Variants in OXR1 observed in about 807,000 individuals in gnomAD.
OXR1 encodes oxidation resistance 1.
Under a neutral mutation model 104.6 loss-of-function variants are expected in OXR1, and 41 were observed. That is an observed-to-expected ratio of 0.39 (90% CI 0.31 to 0.51). The LOEUF (loss-of-function observed/expected upper bound fraction) is 0.51, where lower values mean the gene tolerates loss of function less well. Among genes scored for constraint, OXR1 ranks in the 20% least tolerant of loss-of-function variants. OXR1 has a pLI of 0.77. For synonymous variants in OXR1, 348 were observed against 348.4 expected, an observed-to-expected ratio of 1.00 and a Z score of 0.01; for missense variants, 955 against 1,031.9, an observed-to-expected ratio of 0.93 and a Z score of 1.02.
chr8:106,561,885 C>T (rs569884321), intron 3 of OXR1, among the ~76,000 whole-genome samples: 1 of 152,098 alleles, frequency 6.6e-6, no homozygotes, highest in East Asian at 1.9e-4. Flanking sequence ...AGCAGAGGGG[C>T]CTGTTAGAAG....
chr8:106,631,947 T>C (rs890322395), intron 3 of OXR1, among the ~76,000 whole-genome samples: 9 of 152,140 alleles, frequency 5.9e-5, no homozygotes, highest in Admixed American at 5.2e-4. Context: ...GTACAAAAAA[T>C]ATACTAAATA....
intron 15 of OXR1, among the ~76,000 whole-genome samples, chr8:106,742,682 A>G (rs1835021256): frequency 6.6e-6 from 1 of 152,194 alleles, no homozygotes; most frequent in South Asian, 2.1e-4. Context: ...AACCTGACAA[A>G]AATAAGCAAT....
intron 1 of OXR1, among the ~76,000 whole-genome samples, chr8:106,358,114 T>A (rs115873172): frequency 0.026 from 3,936 of 152,308 alleles, 154 homozygotes; most frequent in African/African-American, 0.089. Flanking sequence ...TTCGTCCTCC[T>A]TTCTGCTGGC....
At chr8:106,638,104 C>G (rs532659957) in intron 3 of OXR1, among the ~76,000 whole-genome samples, 16 of 152,182 alleles carry the variant, frequency 1.1e-4, no homozygotes, top group African/African-American at 3.9e-4. Flanking sequence ...TTCCTAAGGG[C>G]AGGATATCCA....
intron 1 of OXR1, among the ~76,000 whole-genome samples, chr8:106,282,795 A>G (rs1390768998): frequency 6.6e-6 from 1 of 152,174 alleles, no homozygotes; most frequent in Non-Finnish European, 1.5e-5. Flanking sequence ...TTCACTTATA[A>G]ATGGGCCCAT....
chr8:106,305,498 A>G (rs1237967227), intron 1 of OXR1, among the ~76,000 whole-genome samples: 2 of 152,192 alleles, frequency 1.3e-5, no homozygotes, highest in Admixed American at 6.5e-5. Flanking sequence ...ATATCTCACT[A>G]CAATAAAAAT....
chr8:106,705,208 C>T (rs139989378), intron 8 of OXR1, among the ~76,000 whole-genome samples: 1 of 152,036 alleles, frequency 6.6e-6, no homozygotes, highest in Admixed American at 6.6e-5. Flanking sequence ...AAAACTTTTG[C>T]CCGGTTCCAA....
intron 3 of OXR1, among the ~76,000 whole-genome samples, chr8:106,547,066 T>A (rs909703655): frequency 1.3e-5 from 2 of 152,074 alleles, no homozygotes; most frequent in African/African-American, 4.8e-5. Context: ...AATTTTTGTA[T>A]TTTTAGTAGA....
intron 2 of OXR1, among the ~76,000 whole-genome samples, chr8:106,383,780 C>T (rs975542699): frequency 4.6e-5 from 7 of 152,106 alleles, no homozygotes; most frequent in African/African-American, 1.7e-4. Flanking sequence ...TGAAGCCATA[C>T]ATCGTAAGCC....
intron 11 of OXR1, among the ~76,000 whole-genome samples, chr8:106,726,895 T>C (rs997758163): frequency 2.1e-4 from 32 of 152,192 alleles, no homozygotes; most frequent in African/African-American, 6.5e-4. Flanking sequence ...TAAAATGTAT[T>C]GTCCATTGCT....
At chr8:106,434,266 T>C (rs1819483389) in intron 2 of OXR1, among the ~76,000 whole-genome samples, 1 of 152,184 alleles carries the variant, frequency 6.6e-6, no homozygotes, top group Non-Finnish European at 1.5e-5. Flanking sequence ...CCAGTGGTAA[T>C]AGGCAACACT....
At chr8:106,714,047 T>G in intron 11 of OXR1, 62 bp downstream of exon 11, 1 of 1,270,102 alleles carries the variant, frequency 7.9e-7, no homozygotes, top group African/African-American at 1.6e-5. Context: ...TATAGCTTTA[T>G]GGTAGTACAA....
chr8:106,527,893 T>C (rs948748586), intron 3 of OXR1, among the ~76,000 whole-genome samples: 3 of 152,206 alleles, frequency 2.0e-5, no homozygotes, highest in Non-Finnish European at 4.4e-5. Context: ...TCCTCTACAT[T>C]GATTTTCAGA....
At chr8:106,490,244 A>G (rs1204266700) in intron 2 of OXR1, among the ~76,000 whole-genome samples, 2 of 152,230 alleles carry the variant, frequency 1.3e-5, no homozygotes, top group Non-Finnish European at 2.9e-5. Context: ...GATGGATTAG[A>G]GTGCAGGAAT....
chr8:106,345,424 A>T (rs1586549790), intron 1 of OXR1, among the ~76,000 whole-genome samples: 2 of 152,194 alleles, frequency 1.3e-5, no homozygotes, highest in East Asian at 1.9e-4. Flanking sequence ...CTATCCAAAT[A>T]TTTACTGTCA....
chr8:106,532,892 C>G (rs1814200161), intron 3 of OXR1, among the ~76,000 whole-genome samples: 1 of 152,102 alleles, frequency 6.6e-6, no homozygotes, highest in African/African-American at 2.4e-5. Flanking sequence ...TTAAAATAAC[C>G]TTATCATAAA....
At chr8:106,577,654 T>C (rs552965815) in intron 3 of OXR1, among the ~76,000 whole-genome samples, 1 of 152,174 alleles carries the variant, frequency 6.6e-6, no homozygotes, top group South Asian at 2.1e-4. Flanking sequence ...CTTCCCAAAG[T>C]GCTGGGATTT....
chr8:106,680,939 G>A (rs1370293816), intron 4 of OXR1, among the ~76,000 whole-genome samples: 1 of 152,104 alleles, frequency 6.6e-6, no homozygotes, highest in Non-Finnish European at 1.5e-5. Flanking sequence ...TTGCTTCCCT[G>A]ACCTACTGCT....
intron 2 of OXR1, among the ~76,000 whole-genome samples, chr8:106,401,825 G>C (rs1290207425): frequency 6.6e-6 from 1 of 152,174 alleles, no homozygotes; most frequent in Non-Finnish European, 1.5e-5. Context: ...TTCTTGCTCA[G>C]TAGGTCTGAT....
Sources: allele counts gnomAD v4.1 joint callset (sites outside exome capture counted in the v4.1 genomes callset), GRCh38; gene constraint gnomAD v4.1.1; transcripts MANE v1.5; gene names NCBI Gene and HGNC (gene_info 2026-07-23, HGNC 2026-07-21).